ZNF292: variants seen among roughly 807,000 people sequenced by gnomAD.
The protein encoded by ZNF292 is 16 zinc-finger domain protein.
Under a neutral mutation model 217.9 loss-of-function variants are expected in ZNF292, and 26 were observed. That is an observed-to-expected ratio of 0.12 (90% confidence interval 0.09 to 0.17). The LOEUF is 0.17. Ranked by LOEUF, ZNF292 falls within the 10% of genes least tolerant of loss-of-function variation. ZNF292 has a pLI of 1.00. For synonymous variants in ZNF292, 1,257 were observed against 1,124.1 expected, an observed-to-expected ratio of 1.12 and a Z score of -2.37; for missense variants, 2,904 against 3,175.2, an observed-to-expected ratio of 0.91 and a Z score of 2.05.
chr6:87,168,909 G>T (rs1771001417), intron 1 of ZNF292, among the ~76,000 whole-genome samples: 1 of 152,108 alleles, frequency 6.6e-6, no homozygotes, highest in Non-Finnish European at 1.5e-5. Context: ...AAATGAAATG[G>T]CATAGTATTT....
chr6:87,184,393 A>G (rs1429208510), intron 1 of ZNF292, among the ~76,000 whole-genome samples: 1 of 150,974 alleles, frequency 6.6e-6, no homozygotes, highest in Non-Finnish European at 1.5e-5. Flanking sequence ...TTCTGCTTTC[A>G]CATCACCAGT....
chr6:87,237,945 A>G (rs1298509185), intron 5 of ZNF292, among the ~76,000 whole-genome samples: 2 of 152,160 alleles, frequency 1.3e-5, no homozygotes, highest in Non-Finnish European at 2.9e-5. Context: ...TTTAATTAGT[A>G]ATTTACTACT....
chr6:87,234,218 G>T (rs1160660639), intron 5 of ZNF292, among the ~76,000 whole-genome samples: 6 of 152,154 alleles, frequency 3.9e-5, no homozygotes, highest in Non-Finnish European at 8.8e-5. Flanking sequence ...ATTAGAAGTT[G>T]TTGATCAAGA....
chr6:87,265,839 T>C lies in ZNF292; in HGVS notation c.*4038T>C, dbSNP rs1321136803. Among the ~76,000 whole-genome samples, 3 of 152,236 alleles carry C rather than the reference T, an allele frequency of 2.0e-5. No individual in the cohort carries two copies. The highest frequency in any genetic ancestry group is 6.5e-5 in the Admixed American group (1 of 15,286). On this transcript the variant is annotated 3_prime_UTR_variant, in exon 8 of 8. Transcript: ENST00000369577. ...CCAATGGGTTGATTCCTTTGCTGTA[T>C]TGGTTGTTAATGTTTTGAATATTAC... is the stretch of plus-strand genomic sequence containing the variant.
In ZNF292 at chr6:87,257,994, GCTT is replaced by G; in HGVS notation, c.4369_4371del (p.Leu1457del). 1.9e-6 allele frequency: 3 copies of G among 1,613,910 alleles called. No individual in the cohort carries two copies. The highest frequency in any genetic ancestry group is 2.5e-6 in the Non-Finnish European group (3 of 1,179,826). ...GTTTTAAAGATCCATCATTTCTACA[GCTT>G]CTTGCTGAAAATCGCTCGCCAGCAT... On this transcript the variant is annotated inframe_deletion, in exon 8 of 8. Coordinates refer to ENST00000369577, the MANE Select transcript of ZNF292 (RefSeq NM_015021.3).
At chr6:87,168,929 C>T (rs924120597) in intron 1 of ZNF292, among the ~76,000 whole-genome samples, 4 of 152,172 alleles carry the variant, frequency 2.6e-5, no homozygotes, top group African/African-American at 9.7e-5. Flanking sequence ...TGCATATAAC[C>T]TAGCACATCC....
rs1282778118 is a variant in ZNF292 at position 87,262,996 on chromosome 6, TTA to T, written c.*1198_*1199del. ...AAGTTGGATGTTTTGATTTTACTGT[TTA>T]TAGATGTTAGATTGTACAGATTTGT... On this transcript the variant is annotated 3_prime_UTR_variant, in exon 8 of 8. Transcript: ENST00000369577. The T allele has an allele frequency of 6.6e-6, 1 of 152,058 alleles. No individual in the cohort carries two copies. The highest frequency in any genetic ancestry group is 1.5e-5 in the Non-Finnish European group (1 of 67,904). 9.4% of individuals were successfully genotyped at this position (152,058 alleles called of 1,614,324 possible).
At chr6:87,236,139 C>T (rs1273014451) in intron 5 of ZNF292, among the ~76,000 whole-genome samples, 1 of 152,226 alleles carries the variant, frequency 6.6e-6, no homozygotes, top group Non-Finnish European at 1.5e-5. Context: ...CTCACTTGCC[C>T]ACCCTACTCT....
In ZNF292 at chr6:87,256,946, C is replaced by T. The variant is rs867081943; in HGVS notation, c.3317C>T (p.Thr1106Ile). 1 of 1,613,764 alleles carries T rather than the reference C, an allele frequency of 6.2e-7. No individual in the cohort carries two copies. Among genetic ancestry groups the T allele is most frequent in the South Asian group, 1.1e-5 (1 of 91,076 alleles). The change falls in exon 8 of 8, where the codon ACT becomes ATT. Residue 1106 changes from threonine (T) to isoleucine (I), a missense_variant. Physicochemically the swap from Thr to Ile is moderately conservative, Grantham distance 89 (BLOSUM62 -1). Coordinates refer to ENST00000369577, the MANE Select transcript of ZNF292 (RefSeq NM_015021.3). Reference protein sequence around the residue: ...QKFSCQVEGCTRTYNSSQSIG... With the variant: ...QKFSCQVEGCIRTYNSSQSIG... ...TTCAGCTGCCAGGTCGAGGGATGTA[C>T]TCGAACCTATAATTCTTCACAGAGT...
At chr6:87,219,212 G>C (rs1772950136) in intron 4 of ZNF292, among the ~76,000 whole-genome samples, 1 of 152,020 alleles carries the variant, frequency 6.6e-6, no homozygotes, top group African/African-American at 2.4e-5. Flanking sequence ...GTATCCTATT[G>C]AAAGTAGATG....
rs1388934707 is a variant in ZNF292, at chr6:87,213,806, A to G, written c.169-2097A>G. On this transcript the variant is annotated intron_variant, in intron 1 of 7. Transcript: ENST00000369577. ...ATCAAAGAATAAGAGAGCTGAACATACTGACATACTGATTCTTTGAAGAGA... is the reference window on the plus strand; with the variant it reads ...ATCAAAGAATAAGAGAGCTGAACATGCTGACATACTGATTCTTTGAAGAGA... The G allele has an allele frequency of 3.9e-5, 6 of 152,222 alleles. No homozygotes were observed. In the East Asian group the frequency reaches 1.2e-3, roughly 29 times the overall value. 9.4% of individuals were successfully genotyped at this position (152,222 alleles called of 1,614,324 possible). A position where few individuals can be genotyped will look rare whatever the true frequency, so the allele number is the denominator to read the frequency against.
At position 87,257,764 on chromosome 6, in the gene ZNF292, A is replaced by C. The variant is rs1239466915; in HGVS notation, c.4135A>C (p.Arg1379=). Residue 1379 remains arginine (R), a synonymous_variant, in exon 8 of 8, where the codon AGG becomes CGG. Transcript: ENST00000369577. ...IIRDGKFICS[R]CYRAFTNPRS... ...CAGAGATGGGAAATTTATCTGTAGCAGGTGTTACAGGGCTTTTACTAATCC... is the reference window on the plus strand; with the variant it reads ...CAGAGATGGGAAATTTATCTGTAGCCGGTGTTACAGGGCTTTTACTAATCC... 6.2e-7 allele frequency: 1 copy of C among 1,613,848 alleles called. No homozygotes were observed. Among genetic ancestry groups the C allele is most frequent in the Admixed American group, 1.7e-5 (1 of 59,958 alleles).
rs141839693 is a variant in ZNF292, at chr6:87,225,379, C to G, written c.538+6648C>G. On this transcript the variant is annotated intron_variant, in intron 4 of 7. Coordinates refer to ENST00000369577, the MANE Select transcript of ZNF292 (RefSeq NM_015021.3). The stretch of plus-strand genomic sequence containing the variant: ...AGAAGTTTTACATTTTCATAAAGTC[C>G]TACTTCCCAGTTTTTTCTTCCATGG... 3.6e-3 allele frequency among the ~76,000 whole-genome samples: 552 copies of G among 152,234 alleles called. 2 individuals carry two copies. Among genetic ancestry groups the G allele is most frequent in the African/African-American group, 0.013 (531 of 41,542 alleles).
At chr6:87,231,446 G>A (rs1331666839) in intron 4 of ZNF292, among the ~76,000 whole-genome samples, 1 of 152,114 alleles carries the variant, frequency 6.6e-6, no homozygotes, top group Admixed American at 6.5e-5. Context: ...TGCCTTCTCT[G>A]AGCCTCAGTT....
intron 5 of ZNF292, among the ~76,000 whole-genome samples, 192 bp from the exon 6 acceptor site, chr6:87,243,283 T>TG (rs1582488310): frequency 6.7e-6 from 1 of 150,316 alleles, no homozygotes; most frequent in African/African-American, 2.4e-5. Flanking sequence ...AAGAAAGGTT[T>TG]TTTTTTTTTT....
At chr6:87,243,117 A>AT (rs151193873) in intron 5 of ZNF292, among the ~76,000 whole-genome samples, 8 of 150,044 alleles carry the variant, frequency 5.3e-5, no homozygotes, top group Non-Finnish European at 7.4e-5. Flanking sequence ...AAAGTACTGC[A>AT]TTTTTTTTTC....
At chr6:87,233,116 G>C (rs1387058345) in intron 4 of ZNF292, among the ~76,000 whole-genome samples, 1 of 151,988 alleles carries the variant, frequency 6.6e-6, no homozygotes, top group East Asian at 1.9e-4. Context: ...CCTTATATAA[G>C]GGCCAAAAGT....
chr6:87,242,570 A>G (rs1411733378), intron 5 of ZNF292, among the ~76,000 whole-genome samples: 1 of 152,232 alleles, frequency 6.6e-6, no homozygotes, highest in African/African-American at 2.4e-5. Flanking sequence ...TCTCTGTGGT[A>G]CGTGAGTGCT....
At chr6:87,231,055 T>C (rs1423022728) in intron 4 of ZNF292, among the ~76,000 whole-genome samples, 1 of 152,180 alleles carries the variant, frequency 6.6e-6, no homozygotes, top group African/African-American at 2.4e-5. Flanking sequence ...AAACAGTCTT[T>C]GTTGCAATAT....
Sources: allele counts gnomAD v4.1 joint callset (sites outside exome capture counted in the v4.1 genomes callset), GRCh38; gene constraint gnomAD v4.1.1; transcripts MANE v1.5; gene names NCBI Gene and HGNC (gene_info 2026-07-23, HGNC 2026-07-21).